The following NBR1 variants were observed in gnomAD, a reference collection of about 807,000 sequenced individuals.
NBR1 encodes the protein next to BRCA1 gene 1 protein.
NBR1 carries 59 observed loss-of-function variants against 115.5 expected under a neutral mutation model. That is an observed-to-expected ratio of 0.51 (90% confidence interval 0.41 to 0.63). The LOEUF is 0.63. Among genes scored for constraint, NBR1 ranks in the 30% least tolerant of loss-of-function variants. The pLI is 0.00. For missense variants in NBR1, 1,043 were observed against 1,150.5 expected (o/e 0.91, Z 1.35); for synonymous variants, 373 against 414.7 (o/e 0.90, Z 1.22).
rs2057037903 is a variant in NBR1 at position 43,195,149 on chromosome 17, A to G, written c.1750+110A>G. ...TGAGGAAATGGCAAGGATTTCTCCCACAGTAGGATAGTAAAGCAGCAATCA... is the reference window on the plus strand; with the variant it reads ...TGAGGAAATGGCAAGGATTTCTCCCGCAGTAGGATAGTAAAGCAGCAATCA... On this transcript the variant is annotated intron_variant, in intron 14 of 20. Coordinates refer to ENST00000590996, the MANE Select transcript of NBR1 (RefSeq NM_005899.5). 5 of 822,122 alleles carry G rather than the reference A, an allele frequency of 6.1e-6. No homozygotes were observed. In the East Asian group the frequency reaches 1.3e-4, roughly 22 times the overall value. The allele number at this position is 822,122 out of a possible 1,614,324, so 50.9% of individuals were successfully genotyped here. A position where few individuals can be genotyped will look rare whatever the true frequency, so the allele number is the denominator to read the frequency against.
At chr17:43,178,549 G>A (rs908420332) in intron 3 of NBR1, among the ~76,000 whole-genome samples, 5 of 150,434 alleles carry the variant, frequency 3.3e-5, no homozygotes, top group African/African-American at 9.8e-5. Context: ...GCTAATTTTT[G>A]TATTTTTAGT....
intron 6 of NBR1, 31 bp downstream of exon 6, chr17:43,186,475 A>G (rs1254799232): frequency 7.0e-7 from 1 of 1,428,750 alleles, no homozygotes; most frequent in Non-Finnish European, 9.2e-7. Context: ...TCTATCCAAT[A>G]TCGTTTCTTT....
In NBR1 at chr17:43,194,333, A is replaced by G. The variant is rs781364837; in HGVS notation, c.1525-17A>G. On this transcript the variant is annotated splice_polypyrimidine_tract_variant and intron_variant, in intron 12 of 20. Transcript: ENST00000590996. Reference sequence around the variant, plus strand: ...TGTTGAAGGCCTAAAATTTGTCTCAATGGTTTGTCTCTATAGGAAACTTTT... The same window carrying G: ...TGTTGAAGGCCTAAAATTTGTCTCAGTGGTTTGTCTCTATAGGAAACTTTT... 108 of 1,597,952 alleles carry G rather than the reference A, an allele frequency of 6.8e-5. No individual in the cohort carries two copies. Among genetic ancestry groups the G allele is most frequent in the Non-Finnish European group, 8.4e-5 (98 of 1,171,338 alleles).
At chr17:43,184,153 G>C (rs528233450) in intron 5 of NBR1, among the ~76,000 whole-genome samples, 26 of 151,976 alleles carry the variant, frequency 1.7e-4, no homozygotes, top group Admixed American at 1.5e-3. Context: ...CTGGGCTCAA[G>C]TGGTCTTCCT....
At position 43,179,108 on chromosome 17, in the gene NBR1, C is replaced by G. The variant is rs566202079; in HGVS notation, c.166-286C>G. Among the ~76,000 whole-genome samples, 3 of 152,242 alleles carry G rather than the reference C, an allele frequency of 2.0e-5. No individual in the cohort carries two copies. In the South Asian group the frequency reaches 6.2e-4, roughly 32 times the overall value. On this transcript the variant is annotated intron_variant, in intron 3 of 20. Transcript: ENST00000590996. Reference sequence around the variant, plus strand: ...GGTGAAAATAACTTGTCCAAATGCACAAAAACTTGGAAGTAGTAAAGTAGC... The same window carrying G: ...GGTGAAAATAACTTGTCCAAATGCAGAAAAACTTGGAAGTAGTAAAGTAGC...
In NBR1 at chr17:43,210,858, G is replaced by A. The variant is rs183816342; in HGVS notation, c.*784G>A. ...ATCTTATAGAAAAGGAAAAAATCCC[G>A]TTATTTAAAGGGAAAAGTAAATTTA... On this transcript the variant is annotated 3_prime_UTR_variant, in exon 21 of 21. Transcript: ENST00000590996. The A allele has an allele frequency of 4.5e-3, 1,790 of 397,118 alleles. 11 individuals are homozygous for A. Among genetic ancestry groups the A allele is most frequent in the Non-Finnish European group, 6.6e-3 (1,482 of 225,656 alleles). 24.6% of individuals were successfully genotyped at this position (397,118 alleles called of 1,614,324 possible). A position where few individuals can be genotyped will look rare whatever the true frequency, so the allele number is the denominator to read the frequency against.
At chr17:43,206,185 AAAAAAG>A (rs1470427122) in intron 20 of NBR1, among the ~76,000 whole-genome samples, 2 of 151,748 alleles carry the variant, frequency 1.3e-5, no homozygotes, top group African/African-American at 4.8e-5. Flanking sequence ...CAAAAAAAAA[AAAAAAG>A]AAAAAGAAAA....
intron 1 of NBR1, among the ~76,000 whole-genome samples, chr17:43,171,854 G>T (rs1394691222): frequency 1.3e-5 from 2 of 152,130 alleles, no homozygotes; most frequent in South Asian, 4.2e-4. Flanking sequence ...ACCAACCCAG[G>T]CTGGGCTTGA....
intron 8 of NBR1, 163 bp downstream of exon 8, chr17:43,189,965 G>A: frequency 1.5e-6 from 1 of 647,698 alleles, no homozygotes; most frequent in Non-Finnish European, 2.7e-6. Flanking sequence ...CACATGCTTT[G>A]TATGTTGTAA....
chr17:43,202,692 GA>G lies in NBR1; in HGVS notation c.2603del (p.Lys868ArgfsTer19). ...GSSGLVNSRQ[K>X]SYDHSRHHHG... Reference sequence around the variant, plus strand: ...CATCAGGACTTGTAAACAGCAGACAGAAGAGCTATGACCACTCAAGGTAACA... The same window carrying G: ...CATCAGGACTTGTAAACAGCAGACAGAGAGCTATGACCACTCAAGGTAACA... On this transcript the variant is annotated frameshift_variant, in exon 19 of 21. Coordinates refer to ENST00000590996, the MANE Select transcript of NBR1 (RefSeq NM_005899.5). LOFTEE classifies it high-confidence loss of function. The G allele has an allele frequency of 6.3e-7, 1 of 1,575,626 alleles. No homozygotes were observed. The highest frequency in any genetic ancestry group is 8.6e-7 in the Non-Finnish European group (1 of 1,159,132).
At chr17:43,202,860 G>C (rs1175570912) in intron 19 of NBR1, 148 bp downstream of exon 19, 1 of 660,642 alleles carries the variant, frequency 1.5e-6, no homozygotes, top group Non-Finnish European at 2.6e-6. Flanking sequence ...TTCTTCTAAA[G>C]GCTTTGAGCA....
chr17:43,175,662 CA>C (rs1179118602), intron 1 of NBR1, 128 bp from the exon 2 acceptor site: 19 of 381,056 alleles, frequency 5.0e-5, no homozygotes, highest in African/African-American at 1.0e-4. Flanking sequence ...TTCTTTTGTT[CA>C]TTGCTGTCTC....
chr17:43,195,225 G>A (rs555081511), intron 14 of NBR1, 186 bp downstream of exon 14: 26 of 594,854 alleles, frequency 4.4e-5, no homozygotes, highest in Middle Eastern at 3.9e-4. Flanking sequence ...ACAACATGCT[G>A]GGCATGGTGG....
intron 1 of NBR1, among the ~76,000 whole-genome samples, chr17:43,171,796 C>T (rs550925679): frequency 6.6e-6 from 1 of 152,292 alleles, no homozygotes; most frequent in African/African-American, 2.4e-5. Flanking sequence ...GTCAAACACT[C>T]AGCTTTCAGG....
chr17:43,171,701 A>AT (rs1377541079), intron 1 of NBR1, among the ~76,000 whole-genome samples: 13 of 152,188 alleles, frequency 8.5e-5, no homozygotes, highest in Admixed American at 7.2e-4. Flanking sequence ...CATCCTTCTC[A>AT]TCCCATCCTC....
intron 16 of NBR1, among the ~76,000 whole-genome samples, chr17:43,199,436 C>T (rs1245309371): frequency 1.3e-5 from 2 of 150,928 alleles, no homozygotes; most frequent in East Asian, 2.0e-4. Context: ...TGCAGCAGCG[C>T]GGTCTCGGCT....
chr17:43,191,525 G>C lies in NBR1; in HGVS notation c.1017G>C (p.Gln339His). The C allele has an allele frequency of 6.2e-7, 1 of 1,613,402 alleles. No homozygotes were observed. Among genetic ancestry groups the C allele is most frequent in the Non-Finnish European group, 8.5e-7 (1 of 1,179,652 alleles). The change falls in exon 10 of 21, where the codon CAG becomes CAC. Residue 339 changes from glutamine (Q) to histidine (H), a missense_variant. Coordinates refer to ENST00000590996, the MANE Select transcript of NBR1 (RefSeq NM_005899.5). Reference sequence around the variant, plus strand: ...TGTGGAATTCAATCCATGGACTCCAGAGCCCCAAGTCTCCTTTAGGCCGAC... The same window carrying C: ...TGTGGAATTCAATCCATGGACTCCACAGCCCCAAGTCTCCTTTAGGCCGAC... ...IHLWNSIHGLQSPKSPLGRPE... is the reference protein window; with the variant it reads ...IHLWNSIHGLHSPKSPLGRPE...
intron 5 of NBR1, among the ~76,000 whole-genome samples, chr17:43,184,418 T>G (rs995536861): frequency 4.5e-5 from 6 of 132,470 alleles, no homozygotes; most frequent in Non-Finnish European, 8.0e-5. Flanking sequence ...CAAGCTAGAG[T>G]GCAGTGGCGC....
At chr17:43,186,523 T>G (rs192830653) in intron 6 of NBR1, 79 bp downstream of exon 6, 146 of 1,186,892 alleles carry the variant, frequency 1.2e-4, no homozygotes, top group Non-Finnish European at 1.6e-4. Flanking sequence ...TTTCTTTATT[T>G]TATTTTTTTA....
Sources: gnomAD v4.1 joint callset for allele counts (sites outside exome capture counted in the v4.1 genomes callset) on GRCh38, gnomAD v4.1.1 for gene constraint, MANE v1.5 for transcripts, NCBI Gene and HGNC (gene_info 2026-07-23, HGNC 2026-07-21) for gene names.